The following SOX6 variants were observed in gnomAD, a reference collection of about 807,000 sequenced individuals.
SOX6 encodes the protein SRY-box transcription factor 6, also known as transcription factor SOX-6.
A neutral mutation model predicts 97.8 loss-of-function variants in SOX6; 11 were observed. That is an observed-to-expected ratio of 0.11 (90% CI 0.07 to 0.19). The LOEUF is 0.19. Ranked by LOEUF, SOX6 falls within the 10% of genes least tolerant of loss-of-function variation. SOX6 has a pLI of 1.00. For missense variants in SOX6, 810 were observed against 1,039.5 expected, an observed-to-expected ratio of 0.78 and a Z score of 3.04; for synonymous variants, 360 against 371.4, an observed-to-expected ratio of 0.97 and a Z score of 0.35.
intron 4 of SOX6, among the ~76,000 whole-genome samples, chr11:16,209,542 G>T (rs1852163935): frequency 6.6e-6 from 1 of 152,194 alleles, no homozygotes. Flanking sequence ...GATCACTTGA[G>T]TGCAGGAGTT....
intron 4 of SOX6, among the ~76,000 whole-genome samples, chr11:16,506,295 T>C (rs1860787958): frequency 6.6e-6 from 1 of 152,182 alleles, no homozygotes; most frequent in Admixed American, 6.5e-5. Context: ...GAGATTATTT[T>C]GGAGCTTTAA....
chr11:16,463,287 T>A (rs1859966784), intron 1 of SOX6, among the ~76,000 whole-genome samples: 2 of 152,212 alleles, frequency 1.3e-5, no homozygotes, highest in Admixed American at 1.3e-4. Context: ...CAAACATTTA[T>A]TGGGAACATA....
At chr11:16,026,220 C>T (rs1215105070) in intron 12 of SOX6, among the ~76,000 whole-genome samples, 1 of 152,182 alleles carries the variant, frequency 6.6e-6, no homozygotes, top group East Asian at 1.9e-4. Flanking sequence ...AAGATCTATA[C>T]TGCAGCACAC....
chr11:16,295,648 C>G (rs761268800), intron 3 of SOX6, among the ~76,000 whole-genome samples: 66 of 152,004 alleles, frequency 4.3e-4, no homozygotes, highest in Non-Finnish European at 5.4e-4. Flanking sequence ...CCTTGCTGAC[C>G]CCCTCCTCTT....
intron 3 of SOX6, among the ~76,000 whole-genome samples, chr11:16,295,002 C>A (rs528579592): frequency 6.6e-6 from 1 of 152,092 alleles, no homozygotes; most frequent in East Asian, 1.9e-4. Flanking sequence ...GATTTAAAAT[C>A]TATTCCCAAT....
intron 4 of SOX6, among the ~76,000 whole-genome samples, chr11:16,205,888 T>C (rs1477552642): frequency 1.3e-5 from 2 of 152,126 alleles, no homozygotes; most frequent in Non-Finnish European, 2.9e-5. Context: ...GCCTGTAATA[T>C]GAGAGGTTGA....
chr11:16,000,956 A>G (rs1335541012), intron 13 of SOX6, among the ~76,000 whole-genome samples: 1 of 152,092 alleles, frequency 6.6e-6, no homozygotes, highest in East Asian at 1.9e-4. Context: ...TCCTGGATTC[A>G]AGCGATTCTC....
chr11:16,486,676 C>T (rs1446516621), intron 4 of SOX6, among the ~76,000 whole-genome samples: 1 of 152,072 alleles, frequency 6.6e-6, no homozygotes, highest in African/African-American at 2.4e-5. Flanking sequence ...GCCTGGCCAA[C>T]ATGGTGAAAC....
intron 1 of SOX6, among the ~76,000 whole-genome samples, chr11:16,452,815 G>A (rs560385530): frequency 4.7e-4 from 72 of 152,182 alleles, no homozygotes; most frequent in African/African-American, 1.6e-3. Context: ...AAGGGAAGAA[G>A]CCCAGGAGAT....
chr11:16,315,448 A>G (rs184078698), intron 3 of SOX6: 39 of 152,324 alleles, frequency 2.6e-4, no homozygotes, highest in Non-Finnish European at 4.4e-4. Context: ...TGTAAAAAAA[A>G]AGATATACCA....
intron 1 of SOX6, among the ~76,000 whole-genome samples, chr11:16,351,846 G>A (rs997225201): frequency 6.6e-6 from 1 of 151,842 alleles, no homozygotes; most frequent in Non-Finnish European, 1.5e-5. Context: ...TTTTAAAAAT[G>A]TATAATATCA....
At chr11:15,985,184 C>T (rs1289371459) in intron 15 of SOX6, among the ~76,000 whole-genome samples, 1 of 152,170 alleles carries the variant, frequency 6.6e-6, no homozygotes, top group African/African-American at 2.4e-5. Flanking sequence ...CTGAAAACAA[C>T]TTTTTGTTCC....
chr11:16,602,245 G>A (rs1043546038), intron 4 of SOX6, among the ~76,000 whole-genome samples: 1 of 152,060 alleles, frequency 6.6e-6, no homozygotes, highest in African/African-American at 2.4e-5. Context: ...ATAACTGAAG[G>A]AATATGGTGG....
chr11:16,707,393 A>G (rs1783023183), intron 3 of SOX6, among the ~76,000 whole-genome samples: 1 of 152,128 alleles, frequency 6.6e-6, no homozygotes, highest in African/African-American at 2.4e-5. Flanking sequence ...GCCAAAGATG[A>G]CAAACATACA....
At chr11:16,594,684 C>CTGTTTTTTTTTTTTTTTTT (rs1848191108) in intron 4 of SOX6, among the ~76,000 whole-genome samples, 1 of 68,266 alleles carries the variant, frequency 1.5e-5, no homozygotes, top group Non-Finnish European at 2.4e-5. Context: ...TCGGTTTTTG[C>CTGTTTTTTTTTTTTTTTTT]TTTTTTTTTT....
At chr11:16,190,396 G>A (rs1437187847) in intron 4 of SOX6, among the ~76,000 whole-genome samples, 1 of 152,012 alleles carries the variant, frequency 6.6e-6, no homozygotes, top group Non-Finnish European at 1.5e-5. Context: ...ATCTCGAACT[G>A]AAAATATTTT....
chr11:16,175,672 A>G (rs1363950814), intron 6 of SOX6, among the ~76,000 whole-genome samples: 3 of 151,964 alleles, frequency 2.0e-5, no homozygotes, highest in Non-Finnish European at 4.4e-5. Context: ...GTTTTAAAAA[A>G]CACTTTTAAA....
intron 9 of SOX6, among the ~76,000 whole-genome samples, chr11:16,077,040 A>G (rs1848372203): frequency 6.6e-6 from 1 of 152,086 alleles, no homozygotes. Context: ...GGCGTGAGCC[A>G]CCGCGCCCGG....
intron 1 of SOX6, among the ~76,000 whole-genome samples, chr11:16,461,078 A>G (rs1263847909): frequency 6.6e-6 from 1 of 152,134 alleles, no homozygotes; most frequent in Non-Finnish European, 1.5e-5. Flanking sequence ...CTAATTTATG[A>G]GATGGAAATG....
Sources: allele counts gnomAD v4.1 joint callset (sites outside exome capture counted in the v4.1 genomes callset), GRCh38; gene constraint gnomAD v4.1.1; transcripts MANE v1.5; gene names NCBI Gene and HGNC (gene_info 2026-07-23, HGNC 2026-07-21).